The following C16orf95 variants were observed in gnomAD, a reference collection of about 807,000 sequenced individuals.
The protein encoded by C16orf95 is uncharacterized protein C16orf95.
A neutral mutation model predicts 32.1 loss-of-function variants in C16orf95; 41 were observed. The ratio of observed to expected loss-of-function variants is 1.28; its 90% CI spans 1.00 to 1.66. The LOEUF (loss-of-function observed/expected upper bound fraction) is 1.66. Ranked by LOEUF, C16orf95 falls within the 40% of genes most tolerant of loss-of-function variation. The pLI is 0.00. For synonymous variants in C16orf95, 147 were observed against 128.9 expected, an observed-to-expected ratio of 1.14 and a Z score of -0.95; for missense variants, 399 against 325.9, an observed-to-expected ratio of 1.22 and a Z score of -1.73.
At chr16:87,314,075 G>A (rs1484519393) in intron 3 of C16orf95, among the ~76,000 whole-genome samples, 1 of 152,172 alleles carries the variant, frequency 6.6e-6, no homozygotes, top group Non-Finnish European at 1.5e-5. Context: ...ACTGCTAGTA[G>A]AGATGTAAAA....
In C16orf95 at chr16:87,303,028, G is replaced by T. The variant is rs544698155; in HGVS notation, c.*29C>A. 2.7e-5 allele frequency: 41 copies of T among 1,535,744 alleles called. No individual in the cohort carries two copies. The highest frequency in any genetic ancestry group is 3.3e-5 in the Non-Finnish European group (38 of 1,146,552). Reference sequence around the variant, plus strand: ...TTGATCGTGACACATTTTTGTGGCTGTTCTTGACAGTAGCTGAAGATTCCA... The same window carrying T: ...TTGATCGTGACACATTTTTGTGGCTTTTCTTGACAGTAGCTGAAGATTCCA... On this transcript the variant is annotated 3_prime_UTR_variant, in exon 7 of 7. Coordinates refer to ENST00000567970, the MANE Select transcript of C16orf95 (RefSeq NM_001195124.3).
rs188017570 is a variant in C16orf95, at chr16:87,303,063, C to A, written c.714G>T (p.Gly238=). Residue 238 remains glycine, a synonymous_variant, in exon 7 of 7, where the codon GGG becomes GGT. Coordinates refer to ENST00000567970, the MANE Select transcript of C16orf95 (RefSeq NM_001195124.3). ...GTAGCTGAAGATTCCAACTTCAAAC[C>A]CCAAAACACTGGCTGGAAAGCAAAG... ...RVIMAIRQCF[G]V 2.1e-5 allele frequency: 32 copies of A among 1,536,074 alleles called. No individual in the cohort carries two copies. In the East Asian group the frequency reaches 7.6e-4, roughly 36 times the overall value.
At chr16:87,316,893 T>A (rs191709666) in intron 1 of C16orf95, among the ~76,000 whole-genome samples, 198 bp downstream of exon 1, 67 of 152,332 alleles carry the variant, frequency 4.4e-4, no homozygotes, top group Non-Finnish European at 2.1e-4. Context: ...CCTGGATACA[T>A]CCATGCCTGA....
In C16orf95 at chr16:87,311,227, C is replaced by A. The variant is rs1213384470; in HGVS notation, c.400G>T (p.Gly134Trp). 9.8e-6 allele frequency: 15 copies of A among 1,535,764 alleles called. No homozygotes were observed. The highest frequency in any genetic ancestry group is 2.0e-5 in the Admixed American group (1 of 50,968). Reference sequence around the variant, plus strand: ...TCCCTAGGCATCGGGAGGCGGCCCCCAAAGCGGTGGCATAGGCAGGGGCAC... The same window carrying A: ...TCCCTAGGCATCGGGAGGCGGCCCCAAAAGCGGTGGCATAGGCAGGGGCAC... Reference protein sequence around the residue: ...KMCPCLCHRFGGRLPMPRDQA... With the variant: ...KMCPCLCHRFWGRLPMPRDQA... The change falls in exon 4 of 7, where the codon GGG (glycine) becomes TGG (tryptophan). Residue 134 changes from glycine to tryptophan, a missense_variant. Coordinates refer to ENST00000567970, the MANE Select transcript of C16orf95 (RefSeq NM_001195124.3).
intron 3 of C16orf95, 104 bp downstream of exon 3, chr16:87,314,867 G>C: frequency 2.0e-6 from 2 of 996,498 alleles, no homozygotes. Context: ...TCCCTGAAAT[G>C]TTAAAATATC....
chr16:87,317,032 G>A (rs1450315452), intron 1 of C16orf95, 59 bp downstream of exon 1: 113 of 1,459,336 alleles, frequency 7.7e-5, no homozygotes, highest in Non-Finnish European at 9.7e-5. Context: ...GCAATGCCGG[G>A]CCGGGAACTC....
chr16:87,314,981 G>A lies in C16orf95; in HGVS notation c.320C>T (p.Pro107Leu). 1 of 1,535,928 alleles carries A rather than the reference G, an allele frequency of 6.5e-7. No homozygotes were observed. Among genetic ancestry groups the A allele is most frequent in the Non-Finnish European group, 8.7e-7 (1 of 1,146,820 alleles). Reference sequence around the variant, plus strand: ...GTTCAAGTCACCTACCTGCTTTCGGGGTCTCAGGGACAGAGGGACCCAGTA... The same window carrying A: ...GTTCAAGTCACCTACCTGCTTTCGGAGTCTCAGGGACAGAGGGACCCAGTA... The part of the protein sequence containing the change: ...LPYWVPLSLR[P>L]RKQSQKTVQF... Residue 107 changes from proline (P) to leucine (L), a missense_variant, in exon 3 of 7, where the codon CCC becomes CTC. By Grantham distance (98) the Pro-to-Leu change is moderately conservative (BLOSUM62 -3). Coordinates refer to ENST00000567970, the MANE Select transcript of C16orf95 (RefSeq NM_001195124.3).
chr16:87,308,049 T>A (rs972980421), intron 5 of C16orf95, among the ~76,000 whole-genome samples: 12 of 152,152 alleles, frequency 7.9e-5, no homozygotes, highest in African/African-American at 2.7e-4. Context: ...TAATTTCCCA[T>A]CAAAACTCTC....
intron 6 of C16orf95, 99 bp from the exon 7 acceptor site, chr16:87,303,174 G>C: frequency 8.2e-7 from 1 of 1,214,648 alleles, no homozygotes; most frequent in Non-Finnish European, 1.2e-6. Flanking sequence ...GCGGAAGGCA[G>C]AGGCGCTCCA....
chr16:87,310,974 C>G (rs1261171487), intron 4 of C16orf95, among the ~76,000 whole-genome samples, 176 bp downstream of exon 4: 1 of 152,224 alleles, frequency 6.6e-6, no homozygotes, highest in Non-Finnish European at 1.5e-5. Flanking sequence ...CACACCTGCC[C>G]TCTGTGCTCC....
chr16:87,311,104 C>T (rs772668849), intron 4 of C16orf95, 46 bp downstream of exon 4: 2 of 1,431,990 alleles, frequency 1.4e-6, no homozygotes, highest in Non-Finnish European at 1.8e-6. Context: ...CCCCCGGCCC[C>T]CACCTCACTC....
rs182281189 is a variant in C16orf95, at chr16:87,317,380, G to A, written c.-138C>T. The A allele has an allele frequency of 0.014, 19,384 of 1,401,098 alleles. 167 individuals carry two copies. Among genetic ancestry groups the A allele is most frequent in the Non-Finnish European group, 0.016 (17,180 of 1,081,896 alleles). 86.8% of individuals were successfully genotyped at this position (1,401,098 alleles called of 1,614,324 possible). ...CCAGCCCCAACCTCAACCGCTCAGA[G>A]GAGCCCAACAACGCCCGCGCGCCCG... On this transcript the variant is annotated 5_prime_UTR_variant, in exon 1 of 7. Coordinates refer to ENST00000567970, the MANE Select transcript of C16orf95 (RefSeq NM_001195124.3).
rs750278087 is a variant in C16orf95 at position 87,305,771 on chromosome 16, G to T, written c.649C>A (p.Leu217Ile). The T allele has an allele frequency of 1.3e-5, 20 of 1,519,164 alleles. No homozygotes were observed. In the South Asian group the frequency reaches 2.3e-4, roughly 17 times the overall value. The allele number at this position is 1,519,164 out of a possible 1,614,324, so 94.1% of individuals were successfully genotyped here. ...LPAPAARLLPLGLLTLLQAIP... is the reference protein window; with the variant it reads ...LPAPAARLLPIGLLTLLQAIP... ...GCCTGGAGGAGGGTCAGGAGGCCGA[G>T]GGGCAGCAGACGCGCTGCAGGAGCC... is the stretch of plus-strand genomic sequence containing the variant. Residue 217 changes from leucine (L) to isoleucine (I), a missense_variant, in exon 6 of 7, where the codon CTC becomes ATC. Physicochemically the swap from Leu to Ile is conservative, Grantham distance 5 (BLOSUM62 2). Coordinates refer to ENST00000567970, the MANE Select transcript of C16orf95 (RefSeq NM_001195124.3). This position sits in a 1 kb window ranked among gnomAD's most constrained non-coding sequence, Gnocchi z 4.2.
intron 5 of C16orf95, among the ~76,000 whole-genome samples, chr16:87,306,619 G>A (rs1911043057): frequency 6.6e-6 from 1 of 152,130 alleles, no homozygotes; most frequent in Non-Finnish European, 1.5e-5. Flanking sequence ...TCAGAAATGT[G>A]GACTTTCTCA....
rs1195372329 is a variant in C16orf95 at position 87,317,135 on chromosome 16, G to A, written c.108C>T (p.Val36=). ...GTGTGAGTGCCAACCTGCAGAGCCC[G>A]ACGCACCCCGCGCCCGGCCCCCCGG... ...AAAGGPGAGC[V]GLCRLALTPS... is the part of the protein sequence containing the mutation. The change falls in exon 1 of 7, where the codon GTC becomes GTT. Residue 36 remains valine (V), a synonymous_variant. Transcript: ENST00000567970. 3 of 1,534,070 alleles carry A rather than the reference G, an allele frequency of 2.0e-6. No individual in the cohort carries two copies. The highest frequency in any genetic ancestry group is 2.6e-6 in the Non-Finnish European group (3 of 1,145,766).
intron 1 of C16orf95, 123 bp from the exon 2 acceptor site, chr16:87,315,946 G>C: frequency 1.9e-6 from 1 of 531,540 alleles, no homozygotes; most frequent in Non-Finnish European, 3.1e-6. Flanking sequence ...GGGTGGTGGG[G>C]ATGGGGGGAT....
chr16:87,309,983 G>C (rs1427424451), intron 5 of C16orf95, among the ~76,000 whole-genome samples: 2 of 152,126 alleles, frequency 1.3e-5, no homozygotes, highest in African/African-American at 2.4e-5. Context: ...ATAAATTATA[G>C]AAGATTAGAG....
chr16:87,307,060 C>A (rs1299356424), intron 5 of C16orf95, among the ~76,000 whole-genome samples: 10 of 152,188 alleles, frequency 6.6e-5, no homozygotes, highest in Admixed American at 6.5e-4. Context: ...CCGACCCCTG[C>A]CTCTGGGGGT....
intron 4 of C16orf95, 114 bp downstream of exon 4, chr16:87,311,036 C>A (rs1050416989): frequency 5.8e-6 from 6 of 1,031,340 alleles, no homozygotes; most frequent in African/African-American, 1.6e-5. Context: ...CCAGCAGAGG[C>A]CTTTGTGGGA....
Sources: gnomAD v4.1 joint callset for allele counts (sites outside exome capture counted in the v4.1 genomes callset) on GRCh38, gnomAD v4.1.1 for gene constraint, Gnocchi (gnomAD v3.1) non-coding constraint, MANE v1.5 for transcripts, NCBI Gene and HGNC (gene_info 2026-07-23, HGNC 2026-07-21) for gene names.